The following CSGALNACT1 variants were observed in gnomAD, a reference collection of about 807,000 sequenced individuals.
CSGALNACT1 encodes the protein chondroitin sulfate N-acetylgalactosaminyltransferase 1, also known as beta4GalNAcT-1.
Under a neutral mutation model 51.0 loss-of-function variants are expected in CSGALNACT1, and 52 were observed. The observed-to-expected ratio is 1.02, with a 90% CI of 0.82 to 1.29. The LOEUF is 1.29. Ranked by LOEUF, CSGALNACT1 falls within the 50% of genes most tolerant of loss-of-function variation. The pLI, the probability that CSGALNACT1 is intolerant of heterozygous loss-of-function variation, is 0.00. For synonymous variants in CSGALNACT1, 341 were observed against 254.4 expected, an observed-to-expected ratio of 1.34 and a Z score of -3.24; for missense variants, 935 against 679.2, an observed-to-expected ratio of 1.38 and a Z score of -4.19.
At chr8:19,576,738 C>T (rs902611980) in intron 3 of CSGALNACT1, among the ~76,000 whole-genome samples, 5 of 152,070 alleles carry the variant, frequency 3.3e-5, no homozygotes, top group African/African-American at 4.8e-5. Context: ...CTGCTGATTG[C>T]CCCATCAGTC....
At chr8:19,484,420 G>T (rs182447739) in intron 4 of CSGALNACT1, among the ~76,000 whole-genome samples, 29 of 152,230 alleles carry the variant, frequency 1.9e-4, no homozygotes, top group African/African-American at 6.5e-4. Context: ...AGTAAGAAAT[G>T]ATATTTATTT....
At chr8:19,642,315 T>C (rs894362049) in intron 1 of CSGALNACT1, among the ~76,000 whole-genome samples, 1 of 152,056 alleles carries the variant, frequency 6.6e-6, no homozygotes, top group African/African-American at 2.4e-5. Context: ...TTCTAGAAAA[T>C]AATTGTAAGG....
chr8:19,640,562 G>T (rs1337046727), intron 1 of CSGALNACT1, among the ~76,000 whole-genome samples: 1 of 152,152 alleles, frequency 6.6e-6, no homozygotes, highest in Non-Finnish European at 1.5e-5. Context: ...CTCAAAATCA[G>T]TTCTCCACTA....
At chr8:19,637,664 T>C (rs2056248431) in intron 1 of CSGALNACT1, among the ~76,000 whole-genome samples, 1 of 152,182 alleles carries the variant, frequency 6.6e-6, no homozygotes, top group African/African-American at 2.4e-5. Context: ...TCAGGGCTGA[T>C]CTAATTATAA....
intron 4 of CSGALNACT1, among the ~76,000 whole-genome samples, chr8:19,497,142 A>G (rs998433978): frequency 2.0e-5 from 3 of 152,212 alleles, no homozygotes; most frequent in Admixed American, 6.5e-5. Context: ...CCTGCCTAGG[A>G]CTGAGATTTT....
intron 5 of CSGALNACT1, among the ~76,000 whole-genome samples, chr8:19,454,689 T>C (rs1363469319): frequency 1.3e-5 from 2 of 151,962 alleles, no homozygotes; most frequent in Admixed American, 1.3e-4. Flanking sequence ...AATAAATGAT[T>C]GCTAACAAAA....
chr8:19,469,009 C>T (rs1212747526), intron 4 of CSGALNACT1, among the ~76,000 whole-genome samples: 2 of 152,128 alleles, frequency 1.3e-5, no homozygotes, highest in Non-Finnish European at 2.9e-5. Flanking sequence ...GGGCAGAAGA[C>T]AGCAGCATCA....
intron 3 of CSGALNACT1, among the ~76,000 whole-genome samples, chr8:19,545,765 GAT>G (rs142956831): frequency 6.1e-5 from 9 of 147,768 alleles, no homozygotes; most frequent in East Asian, 5.9e-4. Context: ...CTGAGAAAAG[GAT>G]ATATATATAT....
chr8:19,470,153 T>G (rs11777566), intron 4 of CSGALNACT1, among the ~76,000 whole-genome samples: 118,566 of 151,996 alleles, frequency 0.78, 46,460 homozygotes, highest in East Asian at 0.88. Flanking sequence ...CCCCGCAAAG[T>G]ACTTGGTATC....
At chr8:19,425,007 C>T (rs2058554471) in intron 6 of CSGALNACT1, among the ~76,000 whole-genome samples, 2 of 152,180 alleles carry the variant, frequency 1.3e-5, no homozygotes, top group South Asian at 4.1e-4. Flanking sequence ...CCCAAACTCA[C>T]CATGCCAAAA....
intron 1 of CSGALNACT1, among the ~76,000 whole-genome samples, chr8:19,670,124 TC>T (rs1356104225): frequency 1.3e-4 from 20 of 152,308 alleles, no homozygotes; most frequent in Admixed American, 3.9e-4. Context: ...GCATGCAACT[TC>T]TTCCTTCTTT....
intron 3 of CSGALNACT1, among the ~76,000 whole-genome samples, chr8:19,519,946 T>C (rs1164724569): frequency 6.6e-6 from 1 of 152,200 alleles, no homozygotes; most frequent in Admixed American, 6.5e-5. Context: ...TCTGGGAACA[T>C]TCCTACACTG....
intron 3 of CSGALNACT1, among the ~76,000 whole-genome samples, chr8:19,553,962 G>A (rs944648382): frequency 6.6e-6 from 1 of 151,192 alleles, no homozygotes; most frequent in Non-Finnish European, 1.5e-5. Flanking sequence ...TAAACCTGAA[G>A]ATATCTTTCA....
At position 19,500,038 on chromosome 8, in the gene CSGALNACT1, C is replaced by T. The variant is rs907231048; in HGVS notation, c.634+5163G>A. ...AAATTTTGGAATGAAAAGCATTTAT[C>T]CTTCCTTATAGGGACTTAAAGCATC... is the stretch of plus-strand genomic sequence containing the variant. On this transcript the variant is annotated intron_variant, in intron 4 of 9. Transcript: ENST00000454498. 2.6e-5 allele frequency among the ~76,000 whole-genome samples: 4 copies of T among 152,164 alleles called. No homozygotes were observed. The South Asian group carries it at 6.2e-4, about 24-fold the overall frequency.
At chr8:19,664,972 C>G (rs2059071474) in intron 1 of CSGALNACT1, among the ~76,000 whole-genome samples, 1 of 152,172 alleles carries the variant, frequency 6.6e-6, no homozygotes, top group South Asian at 2.1e-4. Context: ...AAAGTACAGA[C>G]TTACCACTAT....
At chr8:19,405,374 G>C (rs900029104) in exon 10 of CSGALNACT1, 6 of 457,224 alleles carry the variant, frequency 1.3e-5, no homozygotes, top group Non-Finnish European at 2.2e-5. Flanking sequence ...GAGCCCTGCT[G>C]ATAGGCTCAT....
At chr8:19,619,738 C>A (rs1202046381) in intron 1 of CSGALNACT1, among the ~76,000 whole-genome samples, 1 of 152,140 alleles carries the variant, frequency 6.6e-6, no homozygotes, top group Non-Finnish European at 1.5e-5. Flanking sequence ...ACAAAACAGT[C>A]CTGTCCTCAG....
At chr8:19,451,261 C>T (rs1411838911) in intron 5 of CSGALNACT1, among the ~76,000 whole-genome samples, 1 of 152,130 alleles carries the variant, frequency 6.6e-6, no homozygotes, top group Non-Finnish European at 1.5e-5. Context: ...TTTCTCCTTG[C>T]CTGTTGGGAT....
At chr8:19,718,900 T>C (rs1419827404) in intron 1 of CSGALNACT1, among the ~76,000 whole-genome samples, 8 of 152,212 alleles carry the variant, frequency 5.3e-5, no homozygotes, top group African/African-American at 1.9e-4. Context: ...TTCCCCATCA[T>C]GCTAAGATGT....
Sources: allele counts gnomAD v4.1 joint callset (sites outside exome capture counted in the v4.1 genomes callset), GRCh38; gene constraint gnomAD v4.1.1; transcripts MANE v1.5; gene names NCBI Gene and HGNC (gene_info 2026-07-23, HGNC 2026-07-21).